UGT3A2: variants seen among roughly 807,000 people sequenced by gnomAD.
UGT3A2 encodes UDP-glycosyltransferase 3A2.
A neutral mutation model predicts 39.8 loss-of-function variants in UGT3A2; 32 were observed. The ratio of observed to expected loss-of-function variants is 0.80; its 90% confidence interval spans 0.61 to 1.08. The LOEUF (loss-of-function observed/expected upper bound fraction) is 1.08. UGT3A2 is among the 50% of genes least tolerant of loss of function. UGT3A2 has a pLI of 0.00. For synonymous variants in UGT3A2, 241 were observed against 230.7 expected (o/e 1.04, Z -0.40); for missense variants, 611 against 637.1 (o/e 0.96, Z 0.44).
At chr5:36,040,448 T>C (rs551645934) in intron 4 of UGT3A2, among the ~76,000 whole-genome samples, 8 of 152,196 alleles carry the variant, frequency 5.3e-5, no homozygotes, top group Middle Eastern at 3.4e-3. Flanking sequence ...GGTTTTAACA[T>C]CATACCGAGG....
intron 2 of UGT3A2, among the ~76,000 whole-genome samples, chr5:36,055,695 C>A (rs1475565189): frequency 1.3e-5 from 2 of 152,160 alleles, no homozygotes; most frequent in African/African-American, 4.8e-5. Flanking sequence ...TCATTTACTT[C>A]TTTTCTTTTA....
rs1297463253 is a variant in UGT3A2, at chr5:36,038,004, A to C, written c.1088T>G (p.Ile363Ser). The C allele has an allele frequency of 3.1e-6, 5 of 1,597,798 alleles. No individual in the cohort carries two copies. In the Admixed American group the frequency reaches 5.4e-5, roughly 17 times the overall value. Residue 363 changes from isoleucine to serine, a missense_variant, in exon 6 of 7, where the codon ATC becomes AGC. Coordinates refer to ENST00000282507, the MANE Select transcript of UGT3A2 (RefSeq NM_174914.4). Reference protein sequence around the residue: ...PQSDLLAHPSIRLFVTHGGQN... With the variant: ...PQSDLLAHPSSRLFVTHGGQN... ...CCCGCCGTGGGTGACAAACAGACGG[A>C]TGCTTGGGTGAGCTGTTGTAAATAA... is the stretch of plus-strand genomic sequence containing the variant.
At chr5:36,041,212 A>G (rs1327092559) in intron 4 of UGT3A2, among the ~76,000 whole-genome samples, 1 of 152,140 alleles carries the variant, frequency 6.6e-6, no homozygotes, top group African/African-American at 2.4e-5. Context: ...TGCTTTAGGA[A>G]GGGAGGGAAT....
rs1315358721 is a variant in UGT3A2 at position 36,037,823 on chromosome 5, C to T, written c.1269G>A (p.Lys423=). ...TCTTGTCTTCCATGATTTGTTTCAT[C>T]TTAAGAGCCAATGTCTCTGCCTTGA... The part of the protein sequence containing the change: ...KKLKAETLAL[K]MKQIMEDKRY... Residue 423 remains lysine (K), a synonymous_variant, in exon 6 of 7, where the codon AAG becomes AAA. Transcript: ENST00000282507. 6.2e-7 allele frequency: 1 copy of T among 1,614,072 alleles called. No homozygotes were observed. The highest frequency in any genetic ancestry group is 8.5e-7 in the Non-Finnish European group (1 of 1,180,026).
chr5:36,041,748 C>T (rs1424909987), intron 4 of UGT3A2, among the ~76,000 whole-genome samples: 1 of 152,190 alleles, frequency 6.6e-6, no homozygotes, highest in Admixed American at 6.5e-5. Context: ...ACTCAATTCC[C>T]TTTGCACACT....
rs770220284 is a variant in UGT3A2 at position 36,066,721 on chromosome 5, G to A, written c.69C>T (p.Ala23=). 9.3e-6 allele frequency: 15 copies of A among 1,614,150 alleles called. No homozygotes were observed. In the East Asian group the frequency reaches 3.3e-4, roughly 36 times the overall value. ...CTACTGTAGATATTGTCAGGATTTTGGCAGCCTCTGAGAGCAGGACCCCAG... is the reference window on the plus strand; with the variant it reads ...CTACTGTAGATATTGTCAGGATTTTAGCAGCCTCTGAGAGCAGGACCCCAG... ...LLPGVLLSEA[A]KILTISTVGG... is the part of the protein sequence containing the mutation. Residue 23 remains alanine, a synonymous_variant, in exon 1 of 7, where the codon GCC becomes GCT. Transcript: ENST00000282507.
Position 36,047,609 on chromosome 5 carries a change from A to C in UGT3A2, c.843+1280T>G, listed in dbSNP as rs148375922. Among the ~76,000 whole-genome samples the C allele has an allele frequency of 2.6e-3, 394 of 152,296 alleles. 2 individuals are homozygous for C. The highest frequency in any genetic ancestry group is 9.0e-3 in the African/African-American group (374 of 41,574). ...GTCATCATTTTTATACTGACAAGGC[A>C]ACATAAGACCATTATATAAAAATTG... On this transcript the variant is annotated intron_variant, in intron 4 of 6. Transcript: ENST00000282507.
chr5:36,044,295 A>C (rs897802114), intron 4 of UGT3A2, among the ~76,000 whole-genome samples: 2 of 152,134 alleles, frequency 1.3e-5, no homozygotes, highest in African/African-American at 4.8e-5. Flanking sequence ...AAGTCCCTTC[A>C]TGATAAAAAC....
chr5:36,047,936 C>T (rs776872602), intron 4 of UGT3A2, among the ~76,000 whole-genome samples: 7 of 152,206 alleles, frequency 4.6e-5, no homozygotes, highest in African/African-American at 1.7e-4. Context: ...TCCCTCTCAG[C>T]TCCATTCCTA....
At chr5:36,044,602 C>T (rs544720618) in intron 4 of UGT3A2, among the ~76,000 whole-genome samples, 1 of 152,212 alleles carries the variant, frequency 6.6e-6, no homozygotes, top group South Asian at 2.1e-4. Flanking sequence ...ACCAAAATAA[C>T]TATTAGAACT....
intron 2 of UGT3A2, among the ~76,000 whole-genome samples, chr5:36,058,178 A>G (rs1443169293): frequency 6.6e-6 from 1 of 152,270 alleles, no homozygotes; most frequent in Non-Finnish European, 1.5e-5. Flanking sequence ...TGATGTATCC[A>G]TAAAATTGAA....
chr5:36,038,042 G>A (rs767712987), intron 5 of UGT3A2, 26 bp from the exon 6 acceptor site: 5 of 1,556,706 alleles, frequency 3.2e-6, no homozygotes, highest in Non-Finnish European at 4.3e-6. Context: ...AAGAGGGTGG[G>A]ACACTTCAGG....
intron 6 of UGT3A2, 80 bp from the exon 7 acceptor site, chr5:36,036,054 A>G (rs1231026060): frequency 3.8e-5 from 57 of 1,515,828 alleles, no homozygotes; most frequent in Non-Finnish European, 4.9e-5. Flanking sequence ...TATATGATGC[A>G]CCAAAGACTG....
chr5:36,042,843 T>C (rs530931776), intron 4 of UGT3A2, among the ~76,000 whole-genome samples: 4 of 152,218 alleles, frequency 2.6e-5, no homozygotes, highest in Admixed American at 6.5e-5. Flanking sequence ...ATATAACAAT[T>C]ATAAATATAT....
intron 2 of UGT3A2, among the ~76,000 whole-genome samples, chr5:36,058,964 C>T (rs1742600461): frequency 6.6e-6 from 1 of 151,934 alleles, no homozygotes; most frequent in Non-Finnish European, 1.5e-5. Context: ...AAGAGGCCTG[C>T]AGGGACAAAC....
intron 2 of UGT3A2, among the ~76,000 whole-genome samples, chr5:36,056,259 A>G (rs1230750812): frequency 6.6e-6 from 1 of 152,244 alleles, no homozygotes; most frequent in African/African-American, 2.4e-5. Context: ...GGAATAGCCC[A>G]GGCTTTGTTA....
At position 36,037,808 on chromosome 5, in the gene UGT3A2, C is replaced by A; in HGVS notation, c.1284G>T (p.Met428Ile). Residue 428 changes from methionine (M) to isoleucine (I), a missense_variant, in exon 6 of 7, where the codon ATG becomes ATT. By Grantham distance (10) the Met-to-Ile change is conservative. Coordinates refer to ENST00000282507, the MANE Select transcript of UGT3A2 (RefSeq NM_174914.4). ...AAGGAGCTGCATACCTCTTGTCTTC[C>A]ATGATTTGTTTCATCTTAAGAGCCA... is the stretch of plus-strand genomic sequence containing the variant. ...ETLALKMKQI[M>I]EDKRYKSAAV... The A allele has an allele frequency of 6.2e-7, 1 of 1,614,198 alleles. No individual in the cohort carries two copies. The highest frequency in any genetic ancestry group is 1.1e-5 in the South Asian group (1 of 91,076).
intron 4 of UGT3A2, among the ~76,000 whole-genome samples, chr5:36,040,152 T>C (rs893935551): frequency 2.0e-4 from 31 of 152,130 alleles, no homozygotes; most frequent in African/African-American, 7.2e-4. Flanking sequence ...CTACACAAAA[T>C]GTACCCTTTC....
In UGT3A2 at chr5:36,035,928, G is replaced by A; in HGVS notation, c.1342C>T (p.Pro448Ser). ...ACCAGCCGCTGTGTGGGGCTGAGCG[G>A]GTGGGAGCGCAGGATGACACTGGCA... is the stretch of plus-strand genomic sequence containing the variant. ...VAASVILRSH[P>S]LSPTQRLVGW... Residue 448 changes from proline (P) to serine (S), a missense_variant, in exon 7 of 7, where the codon CCG becomes TCG. Coordinates refer to ENST00000282507, the MANE Select transcript of UGT3A2 (RefSeq NM_174914.4). 6.2e-7 allele frequency: 1 copy of A among 1,614,214 alleles called. No individual in the cohort carries two copies. The highest frequency in any genetic ancestry group is 1.1e-5 in the South Asian group (1 of 91,078).
Sources: gnomAD v4.1 joint callset for allele counts (sites outside exome capture counted in the v4.1 genomes callset) on GRCh38, gnomAD v4.1.1 for gene constraint, MANE v1.5 for transcripts, NCBI Gene and HGNC (gene_info 2026-07-23, HGNC 2026-07-21) for gene names.